Variants in UBE2W observed in about 807,000 individuals in gnomAD.
UBE2W encodes ubiquitin conjugating enzyme E2 W.
UBE2W carries 18 observed loss-of-function variants against 27.2 expected under a neutral mutation model. That is an observed-to-expected ratio of 0.66 (90% CI 0.46 to 0.98). The LOEUF (loss-of-function observed/expected upper bound fraction) is 0.98, where lower values mean the gene tolerates loss of function less well. Ranked by LOEUF, UBE2W falls within the 50% of genes least tolerant of loss-of-function variation. The pLI, the probability that UBE2W is intolerant of heterozygous loss-of-function variation, is 0.00. For synonymous variants in UBE2W, 53 were observed against 57.2 expected (o/e 0.93, Z 0.33); for missense variants, 90 against 180.2 (o/e 0.50, Z 2.87).
In UBE2W at chr8:73,790,238, A is replaced by C; in HGVS notation, c.*3864T>G. On this transcript the variant is annotated 3_prime_UTR_variant, in exon 6 of 6. Coordinates refer to ENST00000602593, the MANE Select transcript of UBE2W (RefSeq NM_018299.6). The stretch of plus-strand genomic sequence containing the variant: ...GAGAAAAGGAAACTGCGGAAGACTG[A>C]CACATTGGACATCAGTGGGAAGAGG... 2 of 985,398 alleles carry C rather than the reference A, an allele frequency of 2.0e-6. No homozygotes were observed. Among genetic ancestry groups the C allele is most frequent in the Non-Finnish European group, 2.4e-6 (2 of 829,916 alleles). 61.0% of individuals were successfully genotyped at this position (985,398 alleles called of 1,614,324 possible).
intron 3 of UBE2W, among the ~76,000 whole-genome samples, chr8:73,819,127 C>G (rs1056398406): frequency 6.6e-6 from 1 of 152,198 alleles, no homozygotes; most frequent in African/African-American, 2.4e-5. Flanking sequence ...CTTACTCCTG[C>G]ACATCTTTCA....
Position 73,787,449 on chromosome 8 carries a change from G to C in UBE2W, c.*6653C>G, listed in dbSNP as rs1420748821. The C allele has an allele frequency of 2.0e-6, 2 of 985,282 alleles. No individual in the cohort carries two copies. The highest frequency in any genetic ancestry group is 2.4e-6 in the Non-Finnish European group (2 of 829,924). 61.0% of individuals were successfully genotyped at this position (985,282 alleles called of 1,614,324 possible). A position where few individuals can be genotyped will look rare whatever the true frequency, so the allele number is the denominator to read the frequency against. ...AATAAAGGAAAAGGGCATCATCAAAGTACAAAAGATGGTTCATATATTTAT... is the reference window on the plus strand; with the variant it reads ...AATAAAGGAAAAGGGCATCATCAAACTACAAAAGATGGTTCATATATTTAT... On this transcript the variant is annotated 3_prime_UTR_variant, in exon 6 of 6. Coordinates refer to ENST00000602593, the MANE Select transcript of UBE2W (RefSeq NM_018299.6).
intron 5 of UBE2W, among the ~76,000 whole-genome samples, chr8:73,794,493 T>C (rs1808331956): frequency 6.6e-6 from 1 of 152,224 alleles, no homozygotes; most frequent in Non-Finnish European, 1.5e-5. Context: ...TGCCATGCTA[T>C]TTAACACAGA....
At chr8:73,829,575 ATT>A (rs67006934) in intron 2 of UBE2W, among the ~76,000 whole-genome samples, 2,954 of 148,126 alleles carry the variant, frequency 0.02, 37 homozygotes, top group African/African-American at 0.032. Flanking sequence ...TGTGTATTAC[ATT>A]TTTTTTTTTT....
At chr8:73,870,150 T>G (rs1309196732) in intron 1 of UBE2W, 2 of 1,078,736 alleles carry the variant, frequency 1.9e-6, no homozygotes, top group Non-Finnish European at 1.4e-6. Context: ...TGGATTATAT[T>G]TCAATTAGAA....
downstream of UBE2W, chr8:73,786,157 G>A: frequency 1.1e-6 from 1 of 924,950 alleles, no homozygotes; most frequent in Non-Finnish European, 1.3e-6. Flanking sequence ...ATTAATTTGT[G>A]ACAAGCAATT....
chr8:73,839,856 C>T (rs113918209), intron 1 of UBE2W, among the ~76,000 whole-genome samples: 8,549 of 150,362 alleles, frequency 0.057, 803 homozygotes, highest in African/African-American at 0.19. Context: ...CTCAGCCTCC[C>T]GAGTAGGTGG....
rs75545946 is a variant in UBE2W at position 73,791,282 on chromosome 8, G to A, written c.*2820C>T. 798 of 917,722 alleles carry A rather than the reference G, an allele frequency of 8.7e-4. 4 individuals are homozygous for A. In the African/African-American group the frequency reaches 0.019, roughly 22 times the overall value. The allele number at this position is 917,722 out of a possible 1,614,324, so 56.8% of individuals were successfully genotyped here. ...CTTGACCAAAGAAAAAAAAAAAAAA[G>A]AAGGGCATCATGTTCATGATCTAAG... On this transcript the variant is annotated 3_prime_UTR_variant, in exon 6 of 6. Coordinates refer to ENST00000602593, the MANE Select transcript of UBE2W (RefSeq NM_018299.6).
chr8:73,868,213 G>T (rs1563635876), intron 1 of UBE2W, among the ~76,000 whole-genome samples: 1 of 152,126 alleles, frequency 6.6e-6, no homozygotes, highest in South Asian at 2.1e-4. Flanking sequence ...AAGAAGGGGG[G>T]GCTCAGGGTT....
chr8:73,788,891 TAAGA>T lies in UBE2W; in HGVS notation c.*5207_*5210del, dbSNP rs1426514931. The T allele has an allele frequency of 3.0e-6, 3 of 985,212 alleles. No homozygotes were observed. Among genetic ancestry groups the T allele is most frequent in the Admixed American group, 6.2e-5 (1 of 16,258 alleles). 61.0% of individuals were successfully genotyped at this position (985,212 alleles called of 1,614,324 possible). ...TAAAACTGGAGTTCTTGAGGTATGT[TAAGA>T]TAGATCAGCTTCTATTCAGGCATTC... On this transcript the variant is annotated 3_prime_UTR_variant, in exon 6 of 6. Coordinates refer to ENST00000602593, the MANE Select transcript of UBE2W (RefSeq NM_018299.6).
In UBE2W at chr8:73,791,473, C is replaced by A. The variant is rs962004735; in HGVS notation, c.*2629G>T. ...GGCCTATGTCGCAAATAGTGCCCCA[C>A]GAGGAAATGCAGGGAGGAGGCAAGT... is the stretch of plus-strand genomic sequence containing the variant. On this transcript the variant is annotated 3_prime_UTR_variant, in exon 6 of 6. Coordinates refer to ENST00000602593, the MANE Select transcript of UBE2W (RefSeq NM_018299.6). The A allele has an allele frequency of 5.1e-6, 5 of 985,166 alleles. No individual in the cohort carries two copies. The highest frequency in any genetic ancestry group is 6.0e-6 in the Non-Finnish European group (5 of 829,812). 61.0% of individuals were successfully genotyped at this position (985,166 alleles called of 1,614,324 possible). A position where few individuals can be genotyped will look rare whatever the true frequency, so the allele number is the denominator to read the frequency against.
rs73689071 is a variant in UBE2W, at chr8:73,829,744, C to T, written c.107+637G>A. ...ATTTTGGTCACTTTCACTCCCTGGA[C>T]CTAGACTACACTAAATATTTGAATT... On this transcript the variant is annotated intron_variant, in intron 2 of 5. Coordinates refer to ENST00000602593, the MANE Select transcript of UBE2W (RefSeq NM_018299.6). Among the ~76,000 whole-genome samples, 295 of 152,218 alleles carry T rather than the reference C, an allele frequency of 1.9e-3. 1 individual carries two copies. Among genetic ancestry groups the T allele is most frequent in the African/African-American group, 6.6e-3 (274 of 41,556 alleles).
At chr8:73,850,556 A>G (rs1049122509) in intron 1 of UBE2W, among the ~76,000 whole-genome samples, 13 of 152,106 alleles carry the variant, frequency 8.5e-5, no homozygotes, top group Non-Finnish European at 5.9e-5. Context: ...TGAAATGATA[A>G]AAGTCAGAAA....
chr8:73,793,412 A>G lies in UBE2W; in HGVS notation c.*690T>C. On this transcript the variant is annotated 3_prime_UTR_variant, in exon 6 of 6. Coordinates refer to ENST00000602593, the MANE Select transcript of UBE2W (RefSeq NM_018299.6). ...ATATACAACAAATTAATTTATTTTC[A>G]CCATAGGGATAACATACTGTACCTC... The G allele has an allele frequency of 1.0e-6, 1 of 985,850 alleles. No homozygotes were observed. The highest frequency in any genetic ancestry group is 1.2e-6 in the Non-Finnish European group (1 of 829,908). The allele number at this position is 985,850 out of a possible 1,614,324, so 61.1% of individuals were successfully genotyped here. A position where few individuals can be genotyped will look rare whatever the true frequency, so the allele number is the denominator to read the frequency against.
chr8:73,810,357 ATTT>A, intron 4 of UBE2W, 114 bp downstream of exon 4: 1 of 1,047,910 alleles, frequency 9.5e-7, no homozygotes, highest in East Asian at 2.8e-5. Context: ...ATTCCCTATA[ATTT>A]TCAAATAAAA....
At chr8:73,843,727 C>G (rs1033477213) in intron 1 of UBE2W, among the ~76,000 whole-genome samples, 4 of 149,348 alleles carry the variant, frequency 2.7e-5, no homozygotes, top group Non-Finnish European at 5.9e-5. Flanking sequence ...AAGAAATTAC[C>G]CAGGATATAA....
intron 1 of UBE2W, among the ~76,000 whole-genome samples, chr8:73,866,245 T>C (rs1192363905): frequency 1.6e-5 from 2 of 123,662 alleles, no homozygotes; most frequent in African/African-American, 6.1e-5. Context: ...CACTCCAGCC[T>C]GGTGACAAAG....
intron 5 of UBE2W, chr8:73,796,515 T>C (rs531046867): frequency 2.1e-4 from 85 of 406,724 alleles, no homozygotes; most frequent in African/African-American, 1.8e-3. Flanking sequence ...GTAGGTTTTC[T>C]GTAGAACGTG....
At chr8:73,853,096 A>G (rs1418396860) in intron 1 of UBE2W, among the ~76,000 whole-genome samples, 1 of 152,174 alleles carries the variant, frequency 6.6e-6, no homozygotes, top group Non-Finnish European at 1.5e-5. Context: ...GCCTATAAGA[A>G]GGCAGAGAGC....
Sources: allele counts gnomAD v4.1 joint callset (sites outside exome capture counted in the v4.1 genomes callset), GRCh38; gene constraint gnomAD v4.1.1; transcripts MANE v1.5; gene names NCBI Gene and HGNC (gene_info 2026-07-23, HGNC 2026-07-21).